Variants in LZTFL1 observed in about 807,000 individuals in gnomAD.
The protein encoded by LZTFL1 is leucine zipper transcription factor-like protein 1.
LZTFL1 carries 25 observed loss-of-function variants against 45.9 expected under a neutral mutation model. The ratio of observed to expected loss-of-function variants is 0.54; its 90% confidence interval spans 0.40 to 0.76. The LOEUF is 0.76. Among genes scored for constraint, LZTFL1 ranks in the 30% least tolerant of loss-of-function variants. LZTFL1 has a pLI of 0.00. For synonymous variants in LZTFL1, 93 were observed against 117.4 expected (o/e 0.79, Z 1.35); for missense variants, 277 against 331.1 (o/e 0.84, Z 1.27).
intron 8 of LZTFL1, 117 bp downstream of exon 8, chr3:45,828,322 G>GA (rs1477571459): frequency 2.5e-5 from 22 of 891,380 alleles, no homozygotes; most frequent in Non-Finnish European, 3.4e-5. Flanking sequence ...AATACCTTGA[G>GA]AAAAAATAAT....
chr3:45,883,290 T>A (rs1329794239), intron 2 of LZTFL1, among the ~76,000 whole-genome samples: 1 of 152,214 alleles, frequency 6.6e-6, no homozygotes, highest in Non-Finnish European at 1.5e-5. Context: ...AGAAATTTGA[T>A]CATGTAGTAA....
rs761653452 is a variant in LZTFL1 at position 45,826,371 on chromosome 3, TTTG to T, written c.882-42_882-40del. On this transcript the variant is annotated intron_variant, in intron 9 of 9. Coordinates refer to ENST00000296135, the MANE Select transcript of LZTFL1 (RefSeq NM_020347.4). ...TTAAGAACACAATGTCAGGATACCTTTTGTTGTTGTTATTACCAAATAAGTTTA... is the reference window on the plus strand; with the variant it reads ...TTAAGAACACAATGTCAGGATACCTTTTGTTGTTATTACCAAATAAGTTTA... 5.2e-6 allele frequency: 8 copies of T among 1,543,508 alleles called. No homozygotes were observed. In the Admixed American group the frequency reaches 8.5e-5, roughly 16 times the overall value.
At chr3:45,860,789 A>G (rs958007666) in intron 2 of LZTFL1, among the ~76,000 whole-genome samples, 1 of 152,222 alleles carries the variant, frequency 6.6e-6, no homozygotes, top group Non-Finnish European at 1.5e-5. Flanking sequence ...GGGTTGCCTC[A>G]GCAAGGAAAC....
intron 2 of LZTFL1, among the ~76,000 whole-genome samples, chr3:45,867,147 CAAAAAA>C (rs58937842): frequency 1.6e-5 from 1 of 63,262 alleles, no homozygotes; most frequent in Non-Finnish European, 3.0e-5. Flanking sequence ...GACTCAATCT[CAAAAAA>C]AAAAAAAAAA....
intron 5 of LZTFL1, 24 bp from the exon 6 acceptor site, chr3:45,831,162 A>G: frequency 3.1e-6 from 4 of 1,310,980 alleles, no homozygotes; most frequent in Non-Finnish European, 4.2e-6. Context: ...TTCAAATTTT[A>G]TTATATTAAC....
chr3:45,830,869 T>C lies in LZTFL1; in HGVS notation c.600+44A>G, dbSNP rs763722303. 5.8e-6 allele frequency: 9 copies of C among 1,547,098 alleles called. No homozygotes were observed. In the South Asian group the frequency reaches 6.7e-5, roughly 12 times the overall value. On this transcript the variant is annotated intron_variant, in intron 7 of 9. Transcript: ENST00000296135. ...ACTTAATTTTAAGTTTATAACTTCA[T>C]TCTACTTAGAAAATGTGAGAAAGGT...
chr3:45,876,499 C>T (rs1701751066), intron 2 of LZTFL1, among the ~76,000 whole-genome samples: 1 of 152,140 alleles, frequency 6.6e-6, no homozygotes, highest in South Asian at 2.1e-4. Context: ...ACAGACCACC[C>T]TGCAAGCAAG....
At position 45,901,234 on chromosome 3, in the gene LZTFL1, C is replaced by T. The variant is rs1338947335; in HGVS notation, c.-215+11886G>A. ...AGCGTGGACAGGTACATTGCCATTG[C>T]CCAGGCCATGAGAGCACATACTTGG... On this transcript the variant is annotated intron_variant, in intron 2 of 4. Coordinates refer to the LZTFL1 transcript ENST00000472635. The surrounding 1 kb of genome is among the most constrained non-coding windows in gnomAD (Gnocchi z 4.3). The T allele has an allele frequency of 1.2e-6, 2 of 1,614,134 alleles. No individual in the cohort carries two copies. Among genetic ancestry groups the T allele is most frequent in the Admixed American group, 3.3e-5 (2 of 60,024 alleles).
intron 2 of LZTFL1, among the ~76,000 whole-genome samples, chr3:45,878,440 A>T (rs1053817525): frequency 5.3e-5 from 8 of 152,164 alleles, no homozygotes; most frequent in Admixed American, 1.3e-4. Flanking sequence ...TCAAGTGTTA[A>T]TATACTATAG....
chr3:45,867,974 T>C (rs1409239537), intron 2 of LZTFL1, among the ~76,000 whole-genome samples: 1 of 150,228 alleles, frequency 6.7e-6, no homozygotes, highest in Non-Finnish European at 1.5e-5. Context: ...AGCAATTTTC[T>C]TTCAAGAAGA....
chr3:45,880,701 T>C (rs548523273), intron 2 of LZTFL1, among the ~76,000 whole-genome samples: 1 of 152,262 alleles, frequency 6.6e-6, no homozygotes, highest in South Asian at 2.1e-4. Context: ...CGTCAAATTC[T>C]TCCTGCCAAC....
At position 45,835,645 on chromosome 3, in the gene LZTFL1, G is replaced by A; in HGVS notation, c.268C>T (p.Gln90Ter). The stretch of plus-strand genomic sequence containing the variant: ...AGCTTAAGATACCACTTCTCAGCTT[G>A]TGCAAACAGCTGTCGCAGAAGTAAC... ...NVLLLRQLFA[Q>*]AEKWYLKLQT... Residue 90 changes from glutamine to a stop codon, truncating the protein, a stop_gained, in exon 3 of 10, where the codon CAA becomes TAA. Transcript: ENST00000296135. LOFTEE classifies it high-confidence loss of function. 6.2e-7 allele frequency: 1 copy of A among 1,614,100 alleles called. No individual in the cohort carries two copies. The highest frequency in any genetic ancestry group is 8.5e-7 in the Non-Finnish European group (1 of 1,179,982).
chr3:45,865,842 C>T (rs764259406), intron 2 of LZTFL1, among the ~76,000 whole-genome samples: 14 of 152,178 alleles, frequency 9.2e-5, no homozygotes, highest in Non-Finnish European at 1.8e-4. Flanking sequence ...AATACTTGAG[C>T]GTTTATAACA....
chr3:45,881,041 A>C (rs1246939834), intron 2 of LZTFL1, among the ~76,000 whole-genome samples: 1 of 152,232 alleles, frequency 6.6e-6, no homozygotes, highest in African/African-American at 2.4e-5. Context: ...AGAAGGGATG[A>C]TTTTTATCAT....
chr3:45,850,030 T>G (rs1296839763), intron 4 of LZTFL1, among the ~76,000 whole-genome samples: 4 of 152,204 alleles, frequency 2.6e-5, no homozygotes, highest in Non-Finnish European at 5.9e-5. Context: ...AAGGTTCTAT[T>G]TGTGTGTTGA....
intron 2 of LZTFL1, among the ~76,000 whole-genome samples, chr3:45,905,538 A>C (rs1236600268): frequency 6.6e-6 from 1 of 152,248 alleles, no homozygotes; most frequent in African/African-American, 2.4e-5. Flanking sequence ...GGTCATATGG[A>C]GATGCCTCAA....
At chr3:45,899,123 G>A (rs140824475) in intron 2 of LZTFL1, among the ~76,000 whole-genome samples, 7 of 152,194 alleles carry the variant, frequency 4.6e-5, no homozygotes, top group African/African-American at 9.7e-5. Context: ...CCGAGATGGC[G>A]CCATTGCACT....
At chr3:45,846,041 G>A (rs2125698585), upstream of LZTFL1, among the ~76,000 whole-genome samples, 1 of 152,286 alleles carries the variant, frequency 6.6e-6, no homozygotes, top group Non-Finnish European at 1.5e-5. Flanking sequence ...GAAGCTCTGA[G>A]CTATGCTTGC....
chr3:45,885,190 C>T (rs1575288701), intron 2 of LZTFL1, among the ~76,000 whole-genome samples: 1 of 152,100 alleles, frequency 6.6e-6, no homozygotes, highest in South Asian at 2.1e-4. Context: ...CATGACAGAG[C>T]GGCATTGAGT....
Sources: allele counts gnomAD v4.1 joint callset (sites outside exome capture counted in the v4.1 genomes callset), GRCh38; gene constraint gnomAD v4.1.1; non-coding constraint Gnocchi (gnomAD v3.1); transcripts MANE v1.5; gene names NCBI Gene and HGNC (gene_info 2026-07-23, HGNC 2026-07-21).